Variants in IL1R2 observed in about 807,000 individuals in gnomAD.
IL1R2 encodes the protein interleukin-1 receptor type 2.
IL1R2 carries 46 observed loss-of-function variants against 39.5 expected under a neutral mutation model. The ratio of observed to expected loss-of-function variants is 1.16; its 90% CI spans 0.92 to 1.49. IL1R2 has a LOEUF of 1.49. Among genes scored for constraint, IL1R2 ranks in the 40% most tolerant of loss-of-function variants. The pLI is 0.00. For missense variants in IL1R2, 537 were observed against 502.0 expected (o/e 1.07, Z -0.67); for synonymous variants, 207 against 189.6 (o/e 1.09, Z -0.75).
intron 3 of IL1R2, among the ~76,000 whole-genome samples, chr2:102,010,681 G>T (rs1190477001): frequency 2.0e-5 from 3 of 152,094 alleles, no homozygotes; most frequent in Admixed American, 2.0e-4. Context: ...TGACTCTGGA[G>T]CCCGAGTCTC....
chr2:101,995,849 A>G (rs1675561145), intron 1 of IL1R2, among the ~76,000 whole-genome samples: 2 of 152,332 alleles, frequency 1.3e-5, no homozygotes, highest in East Asian at 1.9e-4. Flanking sequence ...CATTGTTTTG[A>G]CACAAGTGCC....
intron 1 of IL1R2, among the ~76,000 whole-genome samples, chr2:101,997,251 G>A (rs749759989): frequency 2.0e-5 from 3 of 152,174 alleles, no homozygotes; most frequent in Non-Finnish European, 4.4e-5. Flanking sequence ...TGCTCCATCC[G>A]AGGTCACCCC....
chr2:102,015,293 A>G (rs1308201984), intron 3 of IL1R2, among the ~76,000 whole-genome samples: 1 of 152,212 alleles, frequency 6.6e-6, no homozygotes, highest in Admixed American at 6.5e-5. Flanking sequence ...CCTTGGTGGC[A>G]TTAGAATCGG....
chr2:102,002,107 T>A (rs1276080999), intron 1 of IL1R2: 1 of 152,224 alleles, frequency 6.6e-6, no homozygotes, highest in Admixed American at 6.5e-5. Flanking sequence ...TCAAAAAAAA[T>A]TGTTACTCCT....
chr2:102,008,041 G>C (rs1012367407), intron 1 of IL1R2, among the ~76,000 whole-genome samples: 2 of 152,206 alleles, frequency 1.3e-5, no homozygotes, highest in African/African-American at 4.8e-5. Context: ...ATTCTGGAGA[G>C]GGGAGACAAG....
chr2:102,026,008 G>A, intron 7 of IL1R2, 103 bp from the exon 8 acceptor site: 1 of 860,744 alleles, frequency 1.2e-6, no homozygotes, highest in Non-Finnish European at 1.8e-6. Flanking sequence ...AACAATAAAA[G>A]CGCAATGGGT....
chr2:102,000,059 G>A (rs1394958747), intron 1 of IL1R2, among the ~76,000 whole-genome samples: 1 of 152,206 alleles, frequency 6.6e-6, no homozygotes. Context: ...CTGTGGAATG[G>A]TCGCTTAGCA....
At chr2:101,996,439 AGAT>A (rs930833276) in intron 1 of IL1R2, among the ~76,000 whole-genome samples, 1 of 144,984 alleles carries the variant, frequency 6.9e-6, no homozygotes, top group Non-Finnish European at 1.5e-5. Flanking sequence ...TGAGGGTGAG[AGAT>A]TTTCCCACAC....
Position 102,009,706 on chromosome 2 carries a change from A to G in IL1R2, c.212A>G (p.Lys71Arg). The G allele has an allele frequency of 6.2e-7, 1 of 1,614,200 alleles. No homozygotes were observed. The highest frequency in any genetic ancestry group is 8.5e-7 in the Non-Finnish European group (1 of 1,180,024). ...VSPRINLTWHKNDSARTVPGE... is the reference protein window; with the variant it reads ...VSPRINLTWHRNDSARTVPGE... ...CCCCGCATCAACCTGACATGGCATA[A>G]AAATGACTCTGCTAGGACGGTCCCA... Residue 71 changes from lysine to arginine, a missense_variant, in exon 3 of 9, where the codon AAA (lysine) becomes AGA (arginine). Lys to Arg is a conservative substitution (Grantham distance 26). Transcript: ENST00000332549.
chr2:102,013,554 G>GAAAAA (rs1577711343), intron 3 of IL1R2, among the ~76,000 whole-genome samples: 16 of 31,662 alleles, frequency 5.1e-4, no homozygotes, highest in African/African-American at 5.7e-4. Flanking sequence ...AAAAAAAAAG[G>GAAAAA]AAAGAAAGAA....
At chr2:102,020,000 G>A (rs1417338965) in intron 5 of IL1R2, among the ~76,000 whole-genome samples, 188 bp downstream of exon 5, 2 of 152,188 alleles carry the variant, frequency 1.3e-5, no homozygotes, top group Admixed American at 6.5e-5. Flanking sequence ...TATAAATCAG[G>A]GTGTTGTTCT....
chr2:101,996,354 G>C (rs1675585684), intron 1 of IL1R2, among the ~76,000 whole-genome samples: 1 of 152,080 alleles, frequency 6.6e-6, no homozygotes, highest in African/African-American at 2.4e-5. Context: ...TTTCCTCTGG[G>C]GCTTTTTGGG....
intron 8 of IL1R2, among the ~76,000 whole-genome samples, chr2:102,027,233 C>A (rs923626241): frequency 3.9e-5 from 6 of 152,186 alleles, no homozygotes; most frequent in African/African-American, 1.4e-4. Context: ...TGAGGGCACA[C>A]ATGTGAAGGG....
At chr2:101,996,309 G>C (rs115853124) in intron 1 of IL1R2, among the ~76,000 whole-genome samples, 1 of 152,178 alleles carries the variant, frequency 6.6e-6, no homozygotes, top group South Asian at 2.1e-4. Flanking sequence ...AATGCAAATG[G>C]AACACTTGCC....
intron 5 of IL1R2, among the ~76,000 whole-genome samples, chr2:102,021,565 C>T (rs1210091412): frequency 2.0e-5 from 3 of 152,202 alleles, no homozygotes; most frequent in African/African-American, 4.8e-5. Flanking sequence ...CCACCTGCCT[C>T]GGCCTCCCAA....
intron 5 of IL1R2, among the ~76,000 whole-genome samples, chr2:102,021,012 A>C (rs895084307): frequency 6.6e-6 from 1 of 152,132 alleles, no homozygotes; most frequent in Non-Finnish European, 1.5e-5. Context: ...CCTCAAGTCT[A>C]AGAAGCACTG....
At chr2:102,022,101 T>C in intron 5 of IL1R2, 86 bp from the exon 6 acceptor site, 1 of 1,094,620 alleles carries the variant, frequency 9.1e-7, no homozygotes, top group Non-Finnish European at 1.4e-6. Flanking sequence ...AAGGATAACT[T>C]AGTTGATTAG....
At chr2:101,999,586 T>A (rs1025604452) in intron 1 of IL1R2, among the ~76,000 whole-genome samples, 1 of 152,222 alleles carries the variant, frequency 6.6e-6, no homozygotes, top group Non-Finnish European at 1.5e-5. Flanking sequence ...GACTTAGAGT[T>A]CCAGGGTTTT....
chr2:102,008,337 C>T (rs571591323), intron 1 of IL1R2, among the ~76,000 whole-genome samples, 178 bp from the exon 2 acceptor site: 2 of 152,334 alleles, frequency 1.3e-5, no homozygotes, highest in Admixed American at 1.3e-4. Flanking sequence ...TAGATATGTT[C>T]AGTGAATATA....
Sources: allele counts gnomAD v4.1 joint callset (sites outside exome capture counted in the v4.1 genomes callset), GRCh38; gene constraint gnomAD v4.1.1; transcripts MANE v1.5; gene names NCBI Gene and HGNC (gene_info 2026-07-23, HGNC 2026-07-21).